Variants in ANO1 observed in about 807,000 individuals in gnomAD.
ANO1 encodes anoctamin 1.
In ANO1, 59 loss-of-function variants were observed where a neutral mutation model predicts 124.0. The ratio of observed to expected loss-of-function variants is 0.48; its 90% CI spans 0.39 to 0.59. The LOEUF (loss-of-function observed/expected upper bound fraction) is 0.59. ANO1 is among the 20% of genes least tolerant of loss of function. ANO1 has a pLI of 0.00. For synonymous variants in ANO1, 529 were observed against 532.0 expected (o/e 0.99, Z 0.08); for missense variants, 1,059 against 1,328.0 (o/e 0.80, Z 3.15).
intron 1 of ANO1, among the ~76,000 whole-genome samples, chr11:70,006,663 C>CTTTTTTTTTTTTTTTTTT (rs56851839): frequency 2.2e-5 from 2 of 88,996 alleles, no homozygotes; most frequent in Non-Finnish European, 4.2e-5. Flanking sequence ...TTTCTTCTTT[C>CTTTTTTTTTTTTTTTTTT]TTTTTTTTTT....
the ANO1 span, among the ~76,000 whole-genome samples, chr11:69,978,792 G>A: frequency 6.6e-6 from 1 of 152,146 alleles, no homozygotes; most frequent in African/African-American, 2.4e-5. Flanking sequence ...GCAACCATGT[G>A]AGGAGAAAAC....
chr11:70,143,031 T>A (rs2047216747), intron 11 of ANO1, among the ~76,000 whole-genome samples: 1 of 152,032 alleles, frequency 6.6e-6, no homozygotes, highest in Non-Finnish European at 1.5e-5. Flanking sequence ...GGGGTCACAT[T>A]TCAAGAAGGG....
the ANO1 span, among the ~76,000 whole-genome samples, chr11:69,977,998 G>C: frequency 6.6e-6 from 1 of 152,184 alleles, no homozygotes; most frequent in Non-Finnish European, 1.5e-5. Context: ...GACACTTGAG[G>C]AGGGTTTCTG....
At chr11:70,118,174 G>A (rs2046068858) in intron 8 of ANO1, among the ~76,000 whole-genome samples, 1 of 151,824 alleles carries the variant, frequency 6.6e-6, no homozygotes, top group African/African-American at 2.4e-5. Context: ...TGGGTCACAG[G>A]CCCCTGAACC....
chr11:70,106,804 A>G (rs187334149), intron 5 of ANO1, among the ~76,000 whole-genome samples: 56 of 152,274 alleles, frequency 3.7e-4, no homozygotes, highest in African/African-American at 1.3e-3. Context: ...TCTCCTCCAC[A>G]CCATTCAATC....
intron 11 of ANO1, among the ~76,000 whole-genome samples, chr11:70,142,611 G>A (rs1421417187): frequency 8.5e-5 from 13 of 152,212 alleles, no homozygotes; most frequent in South Asian, 2.1e-4. Context: ...TGCACTTCTC[G>A]GGAACTGGAG....
intron 1 of ANO1, among the ~76,000 whole-genome samples, chr11:70,034,923 C>T (rs1857067863): frequency 6.6e-6 from 1 of 151,774 alleles, no homozygotes; most frequent in South Asian, 2.1e-4. Flanking sequence ...TATTGACAAA[C>T]TATTGTTCTT....
upstream of ANO1, among the ~76,000 whole-genome samples, chr11:69,981,754 T>A (rs1554996243): frequency 6.6e-6 from 1 of 152,334 alleles, no homozygotes; most frequent in Admixed American, 6.5e-5. Context: ...GGGCTCTCTC[T>A]AGTCCCTTCC....
intron 24 of ANO1, among the ~76,000 whole-genome samples, chr11:70,183,363 T>C (rs899149898): frequency 2.0e-5 from 3 of 152,218 alleles, no homozygotes; most frequent in Non-Finnish European, 4.4e-5. Flanking sequence ...ACCTTCTGTT[T>C]CCCAATAGTC....
In ANO1 at chr11:70,086,460, A is replaced by G. The variant is rs2044387728; in HGVS notation, c.109-1292A>G. 2.0e-5 allele frequency among the ~76,000 whole-genome samples: 3 copies of G among 152,206 alleles called. No homozygotes were observed. In the South Asian group the frequency reaches 6.2e-4, roughly 32 times the overall value. On this transcript the variant is annotated intron_variant, in intron 1 of 25. Coordinates refer to ENST00000355303, the MANE Select transcript of ANO1 (RefSeq NM_018043.7). ...ACAAATAAGGAAACTGAGGCAGGGC[A>G]GGCCCTGTTGGAGCCCTAACCCCGC... is the stretch of plus-strand genomic sequence containing the variant.
chr11:69,990,830 G>A (rs1441399398), intron 1 of ANO1, among the ~76,000 whole-genome samples: 1 of 152,086 alleles, frequency 6.6e-6, no homozygotes, highest in Non-Finnish European at 1.5e-5. Context: ...CTTTTTGGTT[G>A]GATTGTAGGA....
Position 70,131,830 on chromosome 11 carries a change from C to T in ANO1, c.1098-89C>T, listed in dbSNP as rs111434890. ...CCCTCGCCAACCCCCAGCTTGGGCCCAGCGCTTTCTCCCAGGCCAGCTCGG... is the reference window on the plus strand; with the variant it reads ...CCCTCGCCAACCCCCAGCTTGGGCCTAGCGCTTTCTCCCAGGCCAGCTCGG... On this transcript the variant is annotated intron_variant, in intron 10 of 25. Coordinates refer to ENST00000355303, the MANE Select transcript of ANO1 (RefSeq NM_018043.7). 56 of 1,470,696 alleles carry T rather than the reference C, an allele frequency of 3.8e-5. No homozygotes were observed. The African/African-American group carries it at 5.8e-4, about 15-fold the overall frequency. 91.1% of individuals were successfully genotyped at this position (1,470,696 alleles called of 1,614,324 possible).
intron 1 of ANO1, among the ~76,000 whole-genome samples, chr11:70,068,472 C>T (rs554487775): frequency 6.6e-6 from 1 of 152,204 alleles, no homozygotes; most frequent in African/African-American, 2.4e-5. Flanking sequence ...CCCTGCTTTC[C>T]TGGTGCAGGG....
At chr11:70,070,793 AGCT>A (rs1857853825) in intron 1 of ANO1, among the ~76,000 whole-genome samples, 1 of 152,222 alleles carries the variant, frequency 6.6e-6, no homozygotes, top group Admixed American at 6.5e-5. Flanking sequence ...ATGAGTATGT[AGCT>A]GAATGAACCC....
chr11:69,982,670 G>A (rs1014835205), upstream of ANO1, among the ~76,000 whole-genome samples: 4 of 152,176 alleles, frequency 2.6e-5, no homozygotes, highest in Non-Finnish European at 4.4e-5. Flanking sequence ...TGTTCCAGAC[G>A]GGACTGACTC....
intron 1 of ANO1, among the ~76,000 whole-genome samples, chr11:70,022,369 C>T (rs1461399743): frequency 2.6e-5 from 4 of 152,128 alleles, no homozygotes; most frequent in South Asian, 2.1e-4. Flanking sequence ...GAGGCCGAGG[C>T]AAGTGGATCA....
At chr11:70,167,730 C>A (rs190874593) in intron 21 of ANO1, among the ~76,000 whole-genome samples, 62 of 152,044 alleles carry the variant, frequency 4.1e-4, no homozygotes, top group African/African-American at 1.4e-3. Context: ...CAGGCACGGT[C>A]TCCATCAGCG....
At chr11:70,041,138 G>A (rs1555005013) in intron 1 of ANO1, among the ~76,000 whole-genome samples, 1 of 152,192 alleles carries the variant, frequency 6.6e-6, no homozygotes. Flanking sequence ...AGGGGCAGGG[G>A]ATGCCGACCT....
chr11:70,032,827 G>A (rs1857026554), intron 1 of ANO1, among the ~76,000 whole-genome samples: 1 of 152,074 alleles, frequency 6.6e-6, no homozygotes, highest in African/African-American at 2.4e-5. Flanking sequence ...GAGGAGGAGG[G>A]AAAGAAGTGG....
Sources: gnomAD v4.1 joint callset for allele counts (sites outside exome capture counted in the v4.1 genomes callset) on GRCh38, gnomAD v4.1.1 for gene constraint, MANE v1.5 for transcripts, NCBI Gene and HGNC (gene_info 2026-07-23, HGNC 2026-07-21) for gene names.